The following TRDMT1 variants were observed in gnomAD, a reference collection of about 807,000 sequenced individuals.
TRDMT1 encodes tRNA aspartic acid methyltransferase 1.
In TRDMT1, 49 loss-of-function variants were observed where a neutral mutation model predicts 51.2. That is an observed-to-expected ratio of 0.96 (90% CI 0.76 to 1.21). The LOEUF (loss-of-function observed/expected upper bound fraction) is 1.21. Among genes scored for constraint, TRDMT1 ranks in the 50% most tolerant of loss-of-function variants. TRDMT1 has a pLI of 0.00. For missense variants in TRDMT1, 534 were observed against 462.3 expected, an observed-to-expected ratio of 1.16 and a Z score of -1.42; for synonymous variants, 187 against 164.6, an observed-to-expected ratio of 1.14 and a Z score of -1.04.
chr10:17,181,676 G>C (rs1843296176), intron 1 of TRDMT1, among the ~76,000 whole-genome samples: 2 of 35,138 alleles, frequency 5.7e-5, no homozygotes, highest in South Asian at 2.1e-3. Flanking sequence ...TGACATTTAG[G>C]TCAAATTTTT....
chr10:17,157,365 G>T, intron 8 of TRDMT1, 76 bp downstream of exon 8: 1 of 1,337,254 alleles, frequency 7.5e-7, no homozygotes, highest in Non-Finnish European at 1.0e-6. Context: ...CTTGTTTTTA[G>T]AAGAACTTAA....
At chr10:17,191,122 C>T (rs977728517) in intron 1 of TRDMT1, among the ~76,000 whole-genome samples, 3 of 152,116 alleles carry the variant, frequency 2.0e-5, no homozygotes, top group Non-Finnish European at 4.4e-5. Flanking sequence ...GTAGGAAGAA[C>T]AACCAGGAGG....
intron 1 of TRDMT1, among the ~76,000 whole-genome samples, chr10:17,193,540 T>C (rs931788680): frequency 6.6e-6 from 1 of 152,170 alleles, no homozygotes; most frequent in African/African-American, 2.4e-5. Flanking sequence ...AAATCAAGAA[T>C]GTGATCTTCT....
intron 2 of TRDMT1, among the ~76,000 whole-genome samples, chr10:17,170,243 T>C (rs1440173223): frequency 6.6e-6 from 1 of 152,182 alleles, no homozygotes; most frequent in African/African-American, 2.4e-5. Context: ...ATAAGGCAGT[T>C]AGGCAAAAAT....
chr10:17,140,591 G>A lies in TRDMT1; in HGVS notation c.*8449C>T, dbSNP rs1377735813. Among the ~76,000 whole-genome samples the A allele has an allele frequency of 6.6e-6, 1 of 152,118 alleles. No homozygotes were observed. Among genetic ancestry groups the A allele is most frequent in the African/African-American group, 2.4e-5 (1 of 41,408 alleles). On this transcript the variant is annotated 3_prime_UTR_variant, in exon 11 of 11. Coordinates refer to ENST00000377799, the MANE Select transcript of TRDMT1 (RefSeq NM_004412.7). ...GCAGGGGAGGGGATTATATTACATA[G>A]CATCAAGATGCAAATGAGGTAGCAA...
Position 17,153,570 on chromosome 10 carries a change from G to C in TRDMT1, c.1012C>G (p.Leu338Val), listed in dbSNP as rs139020167. Residue 338 changes from leucine to valine, a missense_variant, in exon 10 of 11, where the codon CTT (leucine) becomes GTT (valine). Coordinates refer to ENST00000377799, the MANE Select transcript of TRDMT1 (RefSeq NM_004412.7). The part of the protein sequence containing the change: ...QEEQITKLLI[L>V]KLRYFTPKEI... ...TTAGGAGTGAAATATCGCAGTTTAAGTATTAACAGCTTTGTTATCTGTTCT... is the reference window on the plus strand; with the variant it reads ...TTAGGAGTGAAATATCGCAGTTTAACTATTAACAGCTTTGTTATCTGTTCT... The C allele has an allele frequency of 2.5e-6, 4 of 1,613,166 alleles. No homozygotes were observed. In the East Asian group the frequency reaches 8.9e-5, roughly 36 times the overall value.
At chr10:17,154,111 C>A (rs923363278) in intron 9 of TRDMT1, among the ~76,000 whole-genome samples, 1 of 152,074 alleles carries the variant, frequency 6.6e-6, no homozygotes, top group African/African-American at 2.4e-5. Flanking sequence ...TTGCCTATAA[C>A]AGAATTTTTA....
rs1837575550 is a variant in TRDMT1 at position 17,140,334 on chromosome 10, G to T, written c.*8706C>A. Among the ~76,000 whole-genome samples, 1 of 151,596 alleles carries T rather than the reference G, an allele frequency of 6.6e-6. No individual in the cohort carries two copies. Among genetic ancestry groups the T allele is most frequent in the Non-Finnish European group, 1.5e-5 (1 of 67,956 alleles). Reference sequence around the variant, plus strand: ...CTCCCAAAGTGCTGGGATTACAGGTGTGAGGCACCATGCCCAGCACTTCTT... The same window carrying T: ...CTCCCAAAGTGCTGGGATTACAGGTTTGAGGCACCATGCCCAGCACTTCTT... On this transcript the variant is annotated 3_prime_UTR_variant, in exon 11 of 11. Transcript: ENST00000377799.
chr10:17,147,393 T>C lies in TRDMT1; in HGVS notation c.*1647A>G, dbSNP rs1564546445. 1 of 934,280 alleles carries C rather than the reference T, an allele frequency of 1.1e-6. No homozygotes were observed. The highest frequency in any genetic ancestry group is 6.2e-5 in the Admixed American group (1 of 16,190). 57.9% of individuals were successfully genotyped at this position (934,280 alleles called of 1,614,324 possible). ...TAGAGTATGATTTTTTCAATTGCAG[T>C]AAAATATACATAATGTAAAATTTAT... On this transcript the variant is annotated 3_prime_UTR_variant, in exon 11 of 11. Coordinates refer to ENST00000377799, the MANE Select transcript of TRDMT1 (RefSeq NM_004412.7).
In TRDMT1 at chr10:17,147,173, A is replaced by C; in HGVS notation, c.*1867T>G. ...AAAACTCTAAACCATTTTATTTAGA[A>C]TATTTCAGCAGTGAACAGAACCTAC... On this transcript the variant is annotated 3_prime_UTR_variant, in exon 11 of 11. Coordinates refer to ENST00000377799, the MANE Select transcript of TRDMT1 (RefSeq NM_004412.7). 1 of 985,816 alleles carries C rather than the reference A, an allele frequency of 1.0e-6. No individual in the cohort carries two copies. Among genetic ancestry groups the C allele is most frequent in the Non-Finnish European group, 1.2e-6 (1 of 829,852 alleles). The allele number at this position is 985,816 out of a possible 1,614,324, so 61.1% of individuals were successfully genotyped here.
chr10:17,169,902 CA>C (rs1461982121), intron 2 of TRDMT1, among the ~76,000 whole-genome samples: 1 of 152,084 alleles, frequency 6.6e-6, no homozygotes, highest in Non-Finnish European at 1.5e-5. Flanking sequence ...CTCGACTCCC[CA>C]GTGTTAAGGA....
chr10:17,162,687 G>A (rs1242887324), intron 3 of TRDMT1, among the ~76,000 whole-genome samples: 1 of 152,048 alleles, frequency 6.6e-6, no homozygotes, highest in Non-Finnish European at 1.5e-5. Context: ...TATTAAAAAT[G>A]CAAAAATCAG....
intron 1 of TRDMT1, among the ~76,000 whole-genome samples, chr10:17,175,778 C>T (rs771408417): frequency 2.0e-5 from 3 of 151,898 alleles, no homozygotes; most frequent in Middle Eastern, 3.4e-3. Flanking sequence ...GGCTCACACA[C>T]GCTCAGAAAA....
chr10:17,137,902 AAGG>A lies in TRDMT1; in HGVS notation c.*11135_*11137del, dbSNP rs1837467774. Reference sequence around the variant, plus strand: ...GACCTTGAAGGAAAGTGGCTGGGTAAAGGAAGAGACATCGACAGAAGGCCTTAA... The same window carrying A: ...GACCTTGAAGGAAAGTGGCTGGGTAAAAGAGACATCGACAGAAGGCCTTAA... On this transcript the variant is annotated 3_prime_UTR_variant, in exon 11 of 11. Transcript: ENST00000377799. 6.6e-6 allele frequency among the ~76,000 whole-genome samples: 1 copy of A among 152,168 alleles called. No individual in the cohort carries two copies. Among genetic ancestry groups the A allele is most frequent in the Non-Finnish European group, 1.5e-5 (1 of 68,036 alleles).
Position 17,149,057 on chromosome 10 carries a change from T to A in TRDMT1, c.1159A>T (p.Lys387Ter), listed in dbSNP as rs1436005300. 6.2e-7 allele frequency: 1 copy of A among 1,607,542 alleles called. No homozygotes were observed. Among genetic ancestry groups the A allele is most frequent in the Admixed American group, 1.7e-5 (1 of 59,162 alleles). ...LNVHVVAKLI[K>*]ILYE The stretch of plus-strand genomic sequence containing the variant: ...TTTCAAAATTATTCATATAAGATTT[T>A]GATTAGTTTAGCTACTACATGCACG... The change falls in exon 11 of 11, where the codon AAA becomes TAA. Residue 387 changes from lysine (K) to a stop codon, truncating the protein, a stop_gained. Transcript: ENST00000377799. LOFTEE classifies it high-confidence loss of function.
At chr10:17,164,212 A>C (rs559685190) in intron 3 of TRDMT1, among the ~76,000 whole-genome samples, 1 of 152,356 alleles carries the variant, frequency 6.6e-6, no homozygotes, top group South Asian at 2.1e-4. Flanking sequence ...GGCTGGTTCA[A>C]CACAAGCAAA....
chr10:17,170,956 T>C (rs1588588009), intron 2 of TRDMT1, among the ~76,000 whole-genome samples: 1 of 152,180 alleles, frequency 6.6e-6, no homozygotes, highest in Non-Finnish European at 1.5e-5. Context: ...TTTTTAAATA[T>C]TTCTATTTAT....
At chr10:17,161,441 T>C in intron 5 of TRDMT1, 42 bp downstream of exon 5, 3 of 1,304,654 alleles carry the variant, frequency 2.3e-6, no homozygotes, top group South Asian at 1.6e-5. Context: ...CTATAAGATA[T>C]ACCAAGTCTA....
chr10:17,173,716 A>T (rs1842310952), intron 2 of TRDMT1, among the ~76,000 whole-genome samples: 1 of 151,848 alleles, frequency 6.6e-6, no homozygotes, highest in South Asian at 2.1e-4. Flanking sequence ...GAGAAATTTC[A>T]TGAGAAATTT....
Sources: gnomAD v4.1 joint callset for allele counts (sites outside exome capture counted in the v4.1 genomes callset) on GRCh38, gnomAD v4.1.1 for gene constraint, MANE v1.5 for transcripts, NCBI Gene and HGNC (gene_info 2026-07-23, HGNC 2026-07-21) for gene names.